CEP128: variants seen among roughly 807,000 people sequenced by gnomAD.
The protein encoded by CEP128 is centrosomal protein 128kDa.
A neutral mutation model predicts 156.7 loss-of-function variants in CEP128; 132 were observed. The ratio of observed to expected loss-of-function variants is 0.84; its 90% CI spans 0.73 to 0.97. CEP128 has a LOEUF of 0.97. Ranked by LOEUF, CEP128 falls within the 50% of genes least tolerant of loss-of-function variation. CEP128 has a pLI of 0.00. For synonymous variants in CEP128, 469 were observed against 448.9 expected (o/e 1.04, Z -0.57); for missense variants, 1,252 against 1,281.9 (o/e 0.98, Z 0.36).
chr14:80,793,226 T>C, intron 13 of CEP128, 116 bp from the exon 14 acceptor site: 1 of 725,766 alleles, frequency 1.4e-6, no homozygotes, highest in Admixed American at 2.9e-5. Flanking sequence ...TGTATTAAAA[T>C]TCATTAGCAA....
At position 80,579,582 on chromosome 14, in the gene CEP128, C is replaced by T. The variant is rs142118345; in HGVS notation, c.2856+792G>A. The stretch of plus-strand genomic sequence containing the variant: ...TTTGCCAAAAGCAAACATCTTTACC[C>T]GTAAAGCACTCAAACCAGCTCATGA... On this transcript the variant is annotated intron_variant, in intron 20 of 24. Coordinates refer to ENST00000555265, the MANE Select transcript of CEP128 (RefSeq NM_152446.5). Among the ~76,000 whole-genome samples, 186 of 152,212 alleles carry T rather than the reference C, an allele frequency of 1.2e-3. 4 individuals carry two copies. The Middle Eastern group carries it at 0.024, about 19-fold the overall frequency.
chr14:80,774,577 A>T (rs1342755263), intron 16 of CEP128, among the ~76,000 whole-genome samples: 1 of 151,880 alleles, frequency 6.6e-6, no homozygotes, highest in Non-Finnish European at 1.5e-5. Flanking sequence ...ACATGTGTGT[A>T]TGTGTATCCA....
intron 14 of CEP128, among the ~76,000 whole-genome samples, chr14:80,479,691 C>T (rs530617209): frequency 6.6e-6 from 1 of 152,228 alleles, no homozygotes; most frequent in Middle Eastern, 3.4e-3. Context: ...AAACCTAACA[C>T]CCTCACATTT....
chr14:80,777,768 A>T, intron 16 of CEP128, 114 bp downstream of exon 16: 1 of 838,468 alleles, frequency 1.2e-6, no homozygotes, highest in South Asian at 2.0e-5. Context: ...GGGGGCACCA[A>T]TACAACTTCC....
At chr14:80,612,638 C>T (rs1893038901) in intron 19 of CEP128, among the ~76,000 whole-genome samples, 1 of 152,060 alleles carries the variant, frequency 6.6e-6, no homozygotes, top group African/African-American at 2.4e-5. Context: ...TATCAAAATG[C>T]TAGTAATCAA....
chr14:80,768,241 G>T (rs1182227576), intron 16 of CEP128, among the ~76,000 whole-genome samples: 3 of 152,140 alleles, frequency 2.0e-5, no homozygotes, highest in Non-Finnish European at 4.4e-5. Flanking sequence ...CAATCACCTT[G>T]TCAGTGGCGA....
Position 80,906,061 on chromosome 14 carries a change from T to C in CEP128, c.255A>G (p.Gln85=). 1 of 1,604,676 alleles carries C rather than the reference T, an allele frequency of 6.2e-7. No individual in the cohort carries two copies. The highest frequency in any genetic ancestry group is 8.5e-7 in the Non-Finnish European group (1 of 1,177,322). The change falls in exon 5 of 25, where the codon CAA becomes CAG. Residue 85 remains glutamine (Q), a synonymous_variant. Coordinates refer to ENST00000555265, the MANE Select transcript of CEP128 (RefSeq NM_152446.5). ...GTTGACTCCGGAGTTGGTCGATTGATTGTTCCAAGCTTTCTTTTAACTAAT... is the reference window on the plus strand; with the variant it reads ...GTTGACTCCGGAGTTGGTCGATTGACTGTTCCAAGCTTTCTTTTAACTAAT... ...AIEHLKESLE[Q]SIDQLRSQRL... is the part of the protein sequence containing the mutation.
At chr14:80,502,087 T>C (rs1887763467) in intron 24 of CEP128, among the ~76,000 whole-genome samples, 1 of 152,190 alleles carries the variant, frequency 6.6e-6, no homozygotes, top group South Asian at 2.1e-4. Context: ...GAGCTGCTGC[T>C]CTGGGCACAC....
At chr14:80,628,488 T>G (rs558600407) in intron 19 of CEP128, among the ~76,000 whole-genome samples, 1 of 152,294 alleles carries the variant, frequency 6.6e-6, no homozygotes, top group East Asian at 1.9e-4. Context: ...TGACATGACT[T>G]TAACAAGCTA....
intron 15 of CEP128, among the ~76,000 whole-genome samples, chr14:80,780,908 C>T (rs1901074231): frequency 6.6e-6 from 1 of 152,146 alleles, no homozygotes; most frequent in Admixed American, 6.5e-5. Flanking sequence ...AATCAAAATA[C>T]AAGGCAGCCT....
intron 20 of CEP128, among the ~76,000 whole-genome samples, chr14:80,571,633 A>G (rs951813118): frequency 4.6e-5 from 7 of 152,194 alleles, no homozygotes; most frequent in African/African-American, 1.7e-4. Context: ...AGCTCATTTT[A>G]GTTTTGTCAC....
intron 19 of CEP128, among the ~76,000 whole-genome samples, chr14:80,615,458 T>C (rs1459391189): frequency 1.3e-5 from 2 of 152,130 alleles, no homozygotes; most frequent in Admixed American, 6.6e-5. Flanking sequence ...GCAGTGAACA[T>C]GCGAAAAGGA....
chr14:80,894,657 T>G (rs1272876399), intron 8 of CEP128: 1 of 426,608 alleles, frequency 2.3e-6, no homozygotes, highest in Non-Finnish European at 4.6e-6. Flanking sequence ...TCTTCACCTT[T>G]CCAAGGCTCT....
intron 4 of CEP128, 114 bp from the exon 5 acceptor site, chr14:80,906,195 A>T: frequency 1.4e-6 from 1 of 733,032 alleles, no homozygotes; most frequent in South Asian, 3.0e-5. Flanking sequence ...CCCCCAAAAA[A>T]AGGTATCAGA....
chr14:80,487,539 G>A (rs1047119884), downstream of CEP128, among the ~76,000 whole-genome samples: 10 of 151,996 alleles, frequency 6.6e-5, no homozygotes, highest in African/African-American at 1.7e-4. Context: ...ATAGACATCT[G>A]CAGAACTCTC....
At chr14:80,874,464 T>C (rs954579550) in intron 8 of CEP128, among the ~76,000 whole-genome samples, 6 of 148,592 alleles carry the variant, frequency 4.0e-5, no homozygotes, top group African/African-American at 1.5e-4. Flanking sequence ...ACTCTGTCTC[T>C]GTCTCCAAAA....
At chr14:80,886,640 G>A (rs1455691873) in intron 8 of CEP128, among the ~76,000 whole-genome samples, 2 of 152,090 alleles carry the variant, frequency 1.3e-5, no homozygotes, top group Non-Finnish European at 2.9e-5. Context: ...CACTAAATAT[G>A]GAAAGGAAAA....
At chr14:80,807,985 G>A (rs934024902) in intron 13 of CEP128, among the ~76,000 whole-genome samples, 3 of 152,126 alleles carry the variant, frequency 2.0e-5, no homozygotes, top group African/African-American at 7.2e-5. Context: ...GAAGGATAGA[G>A]CACATCAAAA....
chr14:80,600,442 G>A (rs1318187556), intron 19 of CEP128, among the ~76,000 whole-genome samples: 1 of 152,096 alleles, frequency 6.6e-6, no homozygotes, highest in Non-Finnish European at 1.5e-5. Flanking sequence ...AAGGCTAGAA[G>A]GCAGTGGATT....
Sources: allele counts gnomAD v4.1 joint callset (sites outside exome capture counted in the v4.1 genomes callset), GRCh38; gene constraint gnomAD v4.1.1; transcripts MANE v1.5; gene names NCBI Gene and HGNC (gene_info 2026-07-23, HGNC 2026-07-21).